Variants in SUGCT observed in about 807,000 individuals in gnomAD.
SUGCT encodes the protein succinyl-CoA:glutarate CoA-transferase.
In SUGCT, 41 loss-of-function variants were observed where a neutral mutation model predicts 55.0. The ratio of observed to expected loss-of-function variants is 0.74; its 90% CI spans 0.58 to 0.97. SUGCT has a LOEUF of 0.97. SUGCT is among the 50% of genes least tolerant of loss of function. The pLI, the probability that SUGCT is intolerant of heterozygous loss-of-function variation, is 0.00. For synonymous variants in SUGCT, 187 were observed against 200.4 expected, an observed-to-expected ratio of 0.93 and a Z score of 0.56; for missense variants, 568 against 547.8, an observed-to-expected ratio of 1.04 and a Z score of -0.37.
chr7:40,614,253 A>T (rs759816564), intron 12 of SUGCT, among the ~76,000 whole-genome samples: 6 of 152,100 alleles, frequency 3.9e-5, no homozygotes, highest in Non-Finnish European at 5.9e-5. Flanking sequence ...TCTATAGCCA[A>T]CTTCCCCAGT....
rs778876322 is a variant in SUGCT at position 40,316,790 on chromosome 7, T to C, written c.751T>C (p.Tyr251His). Residue 251 changes from tyrosine (Y) to histidine (H), a missense_variant, in exon 9 of 14, where the codon TAT (tyrosine) becomes CAT (histidine). Transcript: ENST00000335693. ...GTGTTTGTCTCACATAGCTGCAAAT[T>C]ATCTTATTGGTCAAAAGGAAGCAAA... Reference protein sequence around the residue: ...VACLSHIAANYLIGQKEAKRW... With the variant: ...VACLSHIAANHLIGQKEAKRW... 1.2e-6 allele frequency: 2 copies of C among 1,602,470 alleles called. No individual in the cohort carries two copies. The highest frequency in any genetic ancestry group is 2.3e-5 in the South Asian group (2 of 88,576).
chr7:40,867,018 G>C, the SUGCT span, among the ~76,000 whole-genome samples: 4 of 151,820 alleles, frequency 2.6e-5, no homozygotes, highest in Admixed American at 2.0e-4. Context: ...GGCCCAGATG[G>C]GGGGAGAAAG....
At chr7:40,729,570 T>C (rs1489267292) in intron 12 of SUGCT, among the ~76,000 whole-genome samples, 1 of 151,854 alleles carries the variant, frequency 6.6e-6, no homozygotes, top group African/African-American at 2.4e-5. Flanking sequence ...GAGTGTGCTG[T>C]TCAGGAATCT....
the SUGCT span, among the ~76,000 whole-genome samples, chr7:40,898,551 A>G: frequency 1.2e-4 from 17 of 140,248 alleles, no homozygotes; most frequent in African/African-American, 4.1e-4. Context: ...GTGAAACCCC[A>G]GATCTACTAA....
chr7:40,458,982 C>A (rs2151445079), intron 10 of SUGCT, 119 bp from the exon 11 acceptor site: 2 of 639,904 alleles, frequency 3.1e-6, no homozygotes, highest in East Asian at 2.8e-5. Context: ...TGTTGAGGGG[C>A]ATAAAGACCA....
At chr7:40,680,753 C>T (rs1486492874) in intron 12 of SUGCT, among the ~76,000 whole-genome samples, 1 of 152,126 alleles carries the variant, frequency 6.6e-6, no homozygotes, top group African/African-American at 2.4e-5. Context: ...TTATGGTGAC[C>T]ATAGTTACCA....
Position 40,519,748 on chromosome 7 carries a change from CTTATA to C in SUGCT, c.1089+23366_1089+23370del, listed in dbSNP as rs1404224079. On this transcript the variant is annotated intron_variant, in intron 12 of 13. Coordinates refer to ENST00000335693, the MANE Select transcript of SUGCT (RefSeq NM_001193313.2). ...AGCTCACAATTACAAACAAAGAAAT[CTTATA>C]TTAAGTTAATAATTAATAAAAATTA... is the stretch of plus-strand genomic sequence containing the variant. 3.3e-5 allele frequency among the ~76,000 whole-genome samples: 5 copies of C among 152,038 alleles called. No individual in the cohort carries two copies. The East Asian group carries it at 7.7e-4, about 23-fold the overall frequency.
At chr7:40,736,749 G>A (rs2128700749) in intron 12 of SUGCT, among the ~76,000 whole-genome samples, 1 of 151,404 alleles carries the variant, frequency 6.6e-6, no homozygotes, top group Middle Eastern at 3.4e-3. Context: ...AAATCTTTTA[G>A]AAGAAAGAAA....
intron 10 of SUGCT, among the ~76,000 whole-genome samples, chr7:40,455,380 T>C (rs1789425944): frequency 6.6e-6 from 1 of 152,188 alleles, no homozygotes; most frequent in Non-Finnish European, 1.5e-5. Flanking sequence ...GGTCTAAATA[T>C]ATGAATTAAC....
chr7:40,280,913 G>A lies in SUGCT; in HGVS notation c.720+6257G>A, dbSNP rs775713878. On this transcript the variant is annotated intron_variant, in intron 8 of 13. Coordinates refer to ENST00000335693, the MANE Select transcript of SUGCT (RefSeq NM_001193313.2). ...TCTTGCCGATGAGGCTAGAATGGAC[G>A]AGTTTTGAGTGGGGAGAGATCTGGG... is the stretch of plus-strand genomic sequence containing the variant. Among the ~76,000 whole-genome samples the A allele has an allele frequency of 9.9e-5, 15 of 152,228 alleles. No individual in the cohort carries two copies. In the East Asian group the frequency reaches 2.9e-3, roughly 29 times the overall value.
chr7:40,138,859 T>C (rs1449620089), intron 1 of SUGCT, among the ~76,000 whole-genome samples: 1 of 152,206 alleles, frequency 6.6e-6, no homozygotes, highest in Non-Finnish European at 1.5e-5. Context: ...TCTAGCAATA[T>C]ACAAACTATT....
At chr7:40,135,639 CT>C (rs1036613752) in intron 1 of SUGCT, among the ~76,000 whole-genome samples, 2 of 152,122 alleles carry the variant, frequency 1.3e-5, no homozygotes, top group African/African-American at 2.4e-5. Flanking sequence ...CACTATGAAT[CT>C]TTTTTTTCCT....
At chr7:40,232,977 G>T (rs978945464) in intron 6 of SUGCT, among the ~76,000 whole-genome samples, 2 of 151,932 alleles carry the variant, frequency 1.3e-5, no homozygotes, top group African/African-American at 4.8e-5. Context: ...TGGATCCCAG[G>T]CTTAACATTT....
At chr7:40,667,117 A>AG (rs1801686189) in intron 12 of SUGCT, among the ~76,000 whole-genome samples, 3 of 152,128 alleles carry the variant, frequency 2.0e-5, no homozygotes, top group African/African-American at 7.2e-5. Flanking sequence ...AAAAAAAAAA[A>AG]AAAAAATGCT....
intron 13 of SUGCT, among the ~76,000 whole-genome samples, chr7:40,775,971 T>C (rs1174533725): frequency 1.3e-5 from 2 of 152,172 alleles, no homozygotes; most frequent in Non-Finnish European, 2.9e-5. Flanking sequence ...CATATTATCT[T>C]TCAATGTCAG....
chr7:40,710,964 G>A (rs1785680275), intron 12 of SUGCT, among the ~76,000 whole-genome samples: 1 of 151,184 alleles, frequency 6.6e-6, no homozygotes, highest in South Asian at 2.1e-4. Context: ...CTGGGGTAAA[G>A]GAAGGAATTG....
chr7:40,804,038 G>A (rs1790959437), intron 13 of SUGCT, among the ~76,000 whole-genome samples: 1 of 152,158 alleles, frequency 6.6e-6, no homozygotes, highest in Non-Finnish European at 1.5e-5. Flanking sequence ...ACTAAATGGA[G>A]CATGGGGTTT....
At chr7:40,256,888 C>A (rs969340281) in intron 7 of SUGCT, among the ~76,000 whole-genome samples, 4 of 151,794 alleles carry the variant, frequency 2.6e-5, no homozygotes, top group Admixed American at 2.6e-4. Context: ...GGACTACAGG[C>A]GCCCACTACC....
intron 7 of SUGCT, among the ~76,000 whole-genome samples, chr7:40,242,925 A>ATT: frequency 3.8e-5 from 1 of 26,428 alleles, no homozygotes; most frequent in Non-Finnish European, 7.5e-5. Context: ...ATATATATAT[A>ATT]TATATATATT....
Sources: gnomAD v4.1 joint callset for allele counts (sites outside exome capture counted in the v4.1 genomes callset) on GRCh38, gnomAD v4.1.1 for gene constraint, MANE v1.5 for transcripts, NCBI Gene and HGNC (gene_info 2026-07-23, HGNC 2026-07-21) for gene names.